RAPGEF4: variants seen among roughly 807,000 people sequenced by gnomAD.
RAPGEF4 encodes RAP guanine-nucleotide-exchange factor (GEF) 4.
Under a neutral mutation model 147.9 loss-of-function variants are expected in RAPGEF4, and 66 were observed. That is an observed-to-expected ratio of 0.45 (90% CI 0.37 to 0.55). The LOEUF (loss-of-function observed/expected upper bound fraction) is 0.55. RAPGEF4 is among the 20% of genes least tolerant of loss of function. RAPGEF4 has a pLI of 0.00. For synonymous variants in RAPGEF4, 419 were observed against 442.7 expected (o/e 0.95, Z 0.67); for missense variants, 1,071 against 1,257.3 (o/e 0.85, Z 2.24).
At chr2:172,795,682 C>T (rs1686290808) in intron 2 of RAPGEF4, among the ~76,000 whole-genome samples, 1 of 152,078 alleles carries the variant, frequency 6.6e-6, no homozygotes, top group South Asian at 2.1e-4. Flanking sequence ...GCTGCACTCA[C>T]AGAAAACTCC....
intron 1 of RAPGEF4, among the ~76,000 whole-genome samples, chr2:172,767,722 G>C (rs1213811737): frequency 6.6e-6 from 1 of 152,108 alleles, no homozygotes; most frequent in Non-Finnish European, 1.5e-5. Context: ...GCCTACCTTT[G>C]TGTGTACCTC....
At chr2:172,975,836 G>C (rs1441539307) in intron 10 of RAPGEF4, among the ~76,000 whole-genome samples, 5 of 152,194 alleles carry the variant, frequency 3.3e-5, no homozygotes, top group Non-Finnish European at 7.3e-5. Context: ...TGTTGCTTAG[G>C]TGTTTTAAAG....
chr2:172,907,739 G>A (rs1699763318), intron 4 of RAPGEF4, among the ~76,000 whole-genome samples: 1 of 152,202 alleles, frequency 6.6e-6, no homozygotes, highest in African/African-American at 2.4e-5. Context: ...CTTTCTCAAA[G>A]CTGGAGACTA....
At chr2:172,736,293 G>C (rs1029802986) in intron 1 of RAPGEF4, 1 of 310,210 alleles carries the variant, frequency 3.2e-6, no homozygotes, top group Non-Finnish European at 5.9e-6. Flanking sequence ...TAAGGGGAGA[G>C]AGCACCCACC....
rs762886113 is a variant in RAPGEF4, at chr2:173,051,745, G to A, written c.3014G>A (p.Arg1005Lys). The change falls in exon 31 of 31, where the codon AGA becomes AAA. Residue 1005 changes from arginine to lysine, a missense_variant. By Grantham distance (26) the Arg-to-Lys change is conservative. Transcript: ENST00000397081. ...AGAACTTTATCACAGATGTCACACA[G>A]ATTAGAGCCTCGTCGACCATAGACA... ...NQRTLSQMSH[R>K]LEPRRP The A allele has an allele frequency of 8.1e-6, 13 of 1,613,870 alleles. No homozygotes were observed. The Admixed American group carries it at 1.3e-4, about 17-fold the overall frequency.
chr2:172,979,673 G>C (rs1016289931), intron 10 of RAPGEF4, among the ~76,000 whole-genome samples: 6 of 152,188 alleles, frequency 3.9e-5, no homozygotes, highest in Non-Finnish European at 8.8e-5. Flanking sequence ...ATTCGTGACA[G>C]TATGTTGTAA....
intron 4 of RAPGEF4, among the ~76,000 whole-genome samples, chr2:172,831,782 A>G (rs1048786145): frequency 1.3e-5 from 2 of 152,200 alleles, no homozygotes; most frequent in Non-Finnish European, 2.9e-5. Flanking sequence ...AGTAAATGCC[A>G]CAAGAGAAAT....
intron 4 of RAPGEF4, among the ~76,000 whole-genome samples, chr2:172,908,569 T>A (rs906313336): frequency 5.3e-5 from 8 of 152,258 alleles, no homozygotes; most frequent in Non-Finnish European, 1.0e-4. Context: ...TTCATGTAGA[T>A]CTTTGAGTGA....
chr2:172,897,538 A>G (rs1698608378), intron 4 of RAPGEF4, among the ~76,000 whole-genome samples: 1 of 152,020 alleles, frequency 6.6e-6, no homozygotes, highest in South Asian at 2.1e-4. Context: ...AGCTAGGACT[A>G]CAGGCATATG....
chr2:173,010,402 C>T (rs1366905169), intron 17 of RAPGEF4, among the ~76,000 whole-genome samples: 1 of 152,236 alleles, frequency 6.6e-6, no homozygotes, highest in Non-Finnish European at 1.5e-5. Flanking sequence ...CTGGACCCAA[C>T]TGTCATATCA....
intron 4 of RAPGEF4, among the ~76,000 whole-genome samples, chr2:172,878,718 C>CAAGG (rs1696249421): frequency 6.6e-6 from 1 of 152,050 alleles, no homozygotes; most frequent in Admixed American, 6.6e-5. Context: ...TATCAATTGA[C>CAAGG]AAGGAAAGTC....
chr2:172,772,792 G>A (rs1296359628), intron 1 of RAPGEF4, among the ~76,000 whole-genome samples: 1 of 152,224 alleles, frequency 6.6e-6, no homozygotes, highest in Non-Finnish European at 1.5e-5. Context: ...TGCTAAGGCT[G>A]CTCACAGTCT....
intron 5 of RAPGEF4, 48 bp downstream of exon 5, chr2:172,917,922 T>G: frequency 6.5e-7 from 1 of 1,534,718 alleles, no homozygotes; most frequent in Non-Finnish European, 9.0e-7. Context: ...TGTCGTGTGG[T>G]ATGTGTTTTC....
Position 172,988,618 on chromosome 2 carries a change from G to T in RAPGEF4, c.1228-75G>T, listed in dbSNP as rs1002980726. 17 of 1,477,524 alleles carry T rather than the reference G, an allele frequency of 1.2e-5. No homozygotes were observed. The East Asian group carries it at 3.9e-4, about 34-fold the overall frequency. 91.5% of individuals were successfully genotyped at this position (1,477,524 alleles called of 1,614,324 possible). On this transcript the variant is annotated intron_variant, in intron 13 of 30. Coordinates refer to ENST00000397081, the MANE Select transcript of RAPGEF4 (RefSeq NM_007023.4). Reference sequence around the variant, plus strand: ...TCTACAATGTTTTAGGGGCTTGGGGGTCTTGTGGCAGGAGGTGGTGGGTGT... The same window carrying T: ...TCTACAATGTTTTAGGGGCTTGGGGTTCTTGTGGCAGGAGGTGGTGGGTGT...
intron 6 of RAPGEF4, among the ~76,000 whole-genome samples, chr2:172,931,172 TG>T (rs1553533366): frequency 0.25 from 1,564 of 6,376 alleles, 225 homozygotes; most frequent in African/African-American, 0.46. Flanking sequence ...CAGGCCGGGG[TG>T]GGGGGGGGGG....
intron 4 of RAPGEF4, among the ~76,000 whole-genome samples, chr2:172,837,286 T>C (rs962790648): frequency 6.6e-6 from 1 of 152,134 alleles, no homozygotes; most frequent in African/African-American, 2.4e-5. Flanking sequence ...CTAACAACAT[T>C]GGCCGGTGGG....
At chr2:172,753,662 T>C (rs1695499698) in intron 1 of RAPGEF4, among the ~76,000 whole-genome samples, 1 of 152,044 alleles carries the variant, frequency 6.6e-6, no homozygotes, top group Non-Finnish European at 1.5e-5. Context: ...ATTTAGAAAA[T>C]AACAAATTAG....
chr2:172,969,843 A>G (rs1031367103), intron 10 of RAPGEF4, among the ~76,000 whole-genome samples: 4 of 152,086 alleles, frequency 2.6e-5, no homozygotes, highest in African/African-American at 7.2e-5. Flanking sequence ...GCTTCCTTTT[A>G]TTGTCCATAC....
chr2:172,898,009 C>T (rs947066157), intron 4 of RAPGEF4, among the ~76,000 whole-genome samples: 2 of 152,082 alleles, frequency 1.3e-5, no homozygotes, highest in Non-Finnish European at 2.9e-5. Context: ...CACAACATCA[C>T]TGGGGTGGGT....
Sources: gnomAD v4.1 joint callset for allele counts (sites outside exome capture counted in the v4.1 genomes callset) on GRCh38, gnomAD v4.1.1 for gene constraint, MANE v1.5 for transcripts, NCBI Gene and HGNC (gene_info 2026-07-23, HGNC 2026-07-21) for gene names.